Variants in ZPLD1 observed in about 807,000 individuals in gnomAD.
The protein encoded by ZPLD1 is zona pellucida like domain containing 1.
Under a neutral mutation model 47.2 loss-of-function variants are expected in ZPLD1, and 34 were observed. The ratio of observed to expected loss-of-function variants is 0.72; its 90% CI spans 0.55 to 0.96. The LOEUF (loss-of-function observed/expected upper bound fraction) is 0.96. Ranked by LOEUF, ZPLD1 falls within the 40% of genes least tolerant of loss-of-function variation. ZPLD1 has a pLI of 0.00. For missense variants in ZPLD1, 512 were observed against 505.8 expected, an observed-to-expected ratio of 1.01 and a Z score of -0.12; for synonymous variants, 176 against 186.2, an observed-to-expected ratio of 0.95 and a Z score of 0.45.
intron 10 of ZPLD1, among the ~76,000 whole-genome samples, chr3:102,474,266 G>A (rs138691750): frequency 1.8e-4 from 27 of 152,212 alleles, no homozygotes; most frequent in Non-Finnish European, 3.4e-4. Flanking sequence ...AAATCTAAAG[G>A]CACCAACACC....
intron 7 of ZPLD1, among the ~76,000 whole-genome samples, chr3:102,394,986 G>A: frequency 6.6e-6 from 1 of 152,034 alleles, no homozygotes; most frequent in East Asian, 1.9e-4. Context: ...AATATACATG[G>A]GTTTTGAGAT....
chr3:102,391,405 G>A (rs531928341), intron 6 of ZPLD1, among the ~76,000 whole-genome samples: 5 of 152,246 alleles, frequency 3.3e-5, no homozygotes, highest in East Asian at 1.9e-4. Flanking sequence ...TTATCAAGAT[G>A]TGGGGTGTCT....
intron 8 of ZPLD1, among the ~76,000 whole-genome samples, chr3:102,424,179 T>C (rs1182779872): frequency 6.6e-6 from 1 of 152,182 alleles, no homozygotes; most frequent in African/African-American, 2.4e-5. Flanking sequence ...ATTGCATCAA[T>C]GAGCAAAAGA....
At chr3:102,460,910 G>C (rs1400566483) in intron 6 of ZPLD1, among the ~76,000 whole-genome samples, 3 of 151,594 alleles carry the variant, frequency 2.0e-5, no homozygotes, top group African/African-American at 7.3e-5. Flanking sequence ...AGTTGGAAAA[G>C]GGAGCCTGAA....
chr3:102,399,715 A>C (rs1706597999), intron 7 of ZPLD1, among the ~76,000 whole-genome samples: 1 of 152,134 alleles, frequency 6.6e-6, no homozygotes, highest in African/African-American at 2.4e-5. Context: ...CTCGAGGGAA[A>C]TTGTTTTTAG....
chr3:102,401,413 G>A lies in ZPLD1; in HGVS notation c.-157+9188G>A, dbSNP rs150661982. Among the ~76,000 whole-genome samples the A allele has an allele frequency of 2.6e-5, 4 of 152,182 alleles. No homozygotes were observed. In the East Asian group the frequency reaches 5.8e-4, roughly 22 times the overall value. Reference sequence around the variant, plus strand: ...TGCTGCAAAGCTTAGTGTTTCAAAGGCTGTGTATGAAGTGCATACAATGTG... The same window carrying A: ...TGCTGCAAAGCTTAGTGTTTCAAAGACTGTGTATGAAGTGCATACAATGTG... On this transcript the variant is annotated intron_variant, in intron 7 of 17. Coordinates refer to the ZPLD1 transcript ENST00000491959.
intron 3 of ZPLD1, among the ~76,000 whole-genome samples, chr3:102,445,853 G>A (rs1225559310): frequency 6.6e-6 from 1 of 152,056 alleles, no homozygotes; most frequent in Non-Finnish European, 1.5e-5. Flanking sequence ...TAGTCACCAA[G>A]GCTAATACAC....
intron 3 of ZPLD1, among the ~76,000 whole-genome samples, chr3:102,450,994 T>C (rs1707328958): frequency 6.6e-6 from 1 of 152,204 alleles, no homozygotes; most frequent in Non-Finnish European, 1.5e-5. Context: ...AATTCATTAT[T>C]TTTCCACCAA....
chr3:102,472,677 A>C lies in ZPLD1; in HGVS notation c.1042+2175A>C, dbSNP rs182808929. ...TAATTAGGATTGCTTTTGGGTAGGC[A>C]CAATAAAAGAGATTTTTATTTCCAT... On this transcript the variant is annotated intron_variant, in intron 10 of 11. Transcript: ENST00000466937. Among the ~76,000 whole-genome samples the C allele has an allele frequency of 1.5e-3, 234 of 152,330 alleles. 1 individual carries two copies. The highest frequency in any genetic ancestry group is 2.8e-3 in the Non-Finnish European group (191 of 68,032).
intron 10 of ZPLD1, among the ~76,000 whole-genome samples, chr3:102,475,743 A>G (rs1330729510): frequency 6.6e-6 from 1 of 152,166 alleles, no homozygotes; most frequent in Non-Finnish European, 1.5e-5. Context: ...AAAGAACCCT[A>G]TGAATGAGTG....
intron 3 of ZPLD1, among the ~76,000 whole-genome samples, chr3:102,452,312 G>A (rs905049440): frequency 2.7e-5 from 4 of 149,574 alleles, no homozygotes; most frequent in East Asian, 2.0e-4. Flanking sequence ...TTCCTACAGT[G>A]AGCTGTGCAT....
upstream of ZPLD1, among the ~76,000 whole-genome samples, chr3:102,430,824 T>C (rs1215054325): frequency 6.6e-6 from 1 of 152,226 alleles, no homozygotes; most frequent in African/African-American, 2.4e-5. Context: ...TTTATTCTGA[T>C]GTAATAATAC....
At chr3:102,445,055 G>A (rs959751748) in intron 3 of ZPLD1, among the ~76,000 whole-genome samples, 22 of 152,124 alleles carry the variant, frequency 1.4e-4, no homozygotes, top group Admixed American at 2.6e-4. Context: ...CACCACCACT[G>A]CCAGAAATGC....
At chr3:102,402,713 C>A (rs1239010215) in intron 7 of ZPLD1, among the ~76,000 whole-genome samples, 1 of 151,820 alleles carries the variant, frequency 6.6e-6, no homozygotes, top group African/African-American at 2.4e-5. Flanking sequence ...TTAAATGTCC[C>A]ATCTTTATTC....
At chr3:102,475,477 A>G (rs1424299122) in intron 10 of ZPLD1, among the ~76,000 whole-genome samples, 1 of 152,220 alleles carries the variant, frequency 6.6e-6, no homozygotes, top group Non-Finnish European at 1.5e-5. Context: ...TCTAAAAAAA[A>G]GAATAGCTTT....
intron 2 of ZPLD1, among the ~76,000 whole-genome samples, 174 bp downstream of exon 2, chr3:102,437,147 C>T (rs1027466559): frequency 9.9e-5 from 15 of 152,176 alleles, no homozygotes; most frequent in African/African-American, 3.4e-4. Context: ...CTGGTGTGAG[C>T]CTTTTGCTTA....
At position 102,469,155 on chromosome 3, in the gene ZPLD1, C is replaced by A; in HGVS notation, c.933+20C>A. The A allele has an allele frequency of 6.3e-7, 1 of 1,596,276 alleles. No individual in the cohort carries two copies. The highest frequency in any genetic ancestry group is 1.1e-5 in the South Asian group (1 of 87,832). ...ATGCCGGTATGTTTTTAAGGAACTT[C>A]ATTTTAAGTTGTTGAATTGATCTAA... On this transcript the variant is annotated intron_variant, in intron 9 of 11. Transcript: ENST00000466937.
intron 7 of ZPLD1, among the ~76,000 whole-genome samples, chr3:102,406,760 C>G (rs1266137894): frequency 6.6e-6 from 1 of 151,910 alleles, no homozygotes; most frequent in Non-Finnish European, 1.5e-5. Context: ...AAAAGAATGA[C>G]TACCTCTAGC....
At chr3:102,438,729 CAA>C (rs1707130059) in intron 3 of ZPLD1, 136 bp downstream of exon 3, 3 of 561,734 alleles carry the variant, frequency 5.3e-6, no homozygotes, top group Non-Finnish European at 6.2e-6. Flanking sequence ...TGGCAAATGA[CAA>C]GACATTTTTC....
Sources: gnomAD v4.1 joint callset for allele counts (sites outside exome capture counted in the v4.1 genomes callset) on GRCh38, gnomAD v4.1.1 for gene constraint, MANE v1.5 for transcripts, NCBI Gene and HGNC (gene_info 2026-07-23, HGNC 2026-07-21) for gene names.